The following FAM199X variants were observed in gnomAD, a reference collection of about 807,000 sequenced individuals.
FAM199X encodes the protein family with sequence similarity 199, X-linked.
A neutral mutation model predicts 22.9 loss-of-function variants in FAM199X; 4 were observed. That is an observed-to-expected ratio of 0.17 (90% CI 0.09 to 0.40). The LOEUF (loss-of-function observed/expected upper bound fraction) is 0.40, where lower values mean the gene tolerates loss of function less well. Ranked by LOEUF, FAM199X falls within the 10% of genes least tolerant of loss-of-function variation. The pLI, the probability that FAM199X is intolerant of heterozygous loss-of-function variation, is 1.00. For missense variants in FAM199X, 183 were observed against 306.8 expected (o/e 0.60, Z 3.01); for synonymous variants, 101 against 112.3 (o/e 0.90, Z 0.64).
chrX:104,191,479 C>T lies in FAM199X; in HGVS notation c.*1701C>T, dbSNP rs1392230022. The stretch of plus-strand genomic sequence containing the variant: ...AGTCTTTCTTACTTTCCCCCTTCCC[C>T]TCTTTGGTTCTCCTAACCAGCTTAG... On this transcript the variant is annotated 3_prime_UTR_variant, in exon 6 of 6. Transcript: ENST00000493442. 8.9e-6 allele frequency: 1 copy of T among 111,830 alleles called. No homozygotes were observed. The highest frequency in any genetic ancestry group is 3.2e-5 in the African/African-American group (1 of 30,807). The allele number at this position is 111,830 out of a possible 1,213,427, so 9.2% of individuals were successfully genotyped here. A position where few individuals can be genotyped will look rare whatever the true frequency, so the allele number is the denominator to read the frequency against.
In FAM199X at chrX:104,191,203, A is replaced by G. The variant is rs1921933110; in HGVS notation, c.*1425A>G. On this transcript the variant is annotated 3_prime_UTR_variant, in exon 6 of 6. Transcript: ENST00000493442. ...TACTTTTTGTTACGTCAAGTAGCTT[A>G]TTAAGAAAAAGATTCATGACTTAAA... 1 of 111,299 alleles carries G rather than the reference A, an allele frequency of 9.0e-6. No individual in the cohort carries two copies. The highest frequency in any genetic ancestry group is 3.3e-5 in the African/African-American group (1 of 30,668). 9.2% of individuals were successfully genotyped at this position (111,299 alleles called of 1,213,427 possible).
chrX:104,162,842 A>G (rs1473225097), upstream of FAM199X, among the ~76,000 whole-genome samples: 3 of 111,448 alleles, frequency 2.7e-5, no homozygotes, highest in African/African-American at 9.8e-5. Flanking sequence ...CCTCACCTCA[A>G]AATCCTCATC....
intron 2 of FAM199X, among the ~76,000 whole-genome samples, chrX:104,182,052 G>A (rs1470529786): frequency 2.0e-5 from 2 of 101,943 alleles, no homozygotes; most frequent in African/African-American, 3.7e-5. Flanking sequence ...GCAGTGGTGC[G>A]ATCTTGGCTC....
the FAM199X span, among the ~76,000 whole-genome samples, chrX:104,159,604 T>C: frequency 8.9e-6 from 1 of 112,648 alleles, no homozygotes; most frequent in Admixed American, 9.4e-5. Context: ...TCTTCAGAGC[T>C]GTTCTGGGGT....
At chrX:104,185,501 A>C (rs1227404661) in intron 2 of FAM199X, among the ~76,000 whole-genome samples, 2 of 112,395 alleles carry the variant, frequency 1.8e-5, no homozygotes, top group African/African-American at 6.5e-5. Flanking sequence ...CTTTCATTGA[A>C]TAACTATATG....
intron 4 of FAM199X, among the ~76,000 whole-genome samples, 195 bp from the exon 5 acceptor site, chrX:104,187,845 C>T (rs1400144331): frequency 7.1e-5 from 8 of 112,183 alleles, no homozygotes; most frequent in Non-Finnish European, 1.3e-4. Context: ...AGCTCTATAA[C>T]GTGTTTTCTA....
At chrX:104,186,314 T>C (rs1026289415) in intron 3 of FAM199X, 99 bp downstream of exon 3, 16 of 1,090,763 alleles carry the variant, frequency 1.5e-5, no homozygotes, top group Middle Eastern at 2.7e-4. Flanking sequence ...TGTGGATTGC[T>C]TAGTAAATCT....
intron 4 of FAM199X, among the ~76,000 whole-genome samples, chrX:104,187,071 G>A (rs960810456): frequency 9.1e-6 from 1 of 109,604 alleles, no homozygotes; most frequent in South Asian, 3.9e-4. Context: ...TCTGAAATAC[G>A]CATCTCTGGT....
Position 104,192,629 on chromosome X carries a change from T to A in FAM199X, c.*2851T>A, listed in dbSNP as rs1428024777. On this transcript the variant is annotated 3_prime_UTR_variant, in exon 6 of 6. Coordinates refer to ENST00000493442, the MANE Select transcript of FAM199X (RefSeq NM_207318.4). ...TTGCAACTGAATTAAAGGAAGGTGA[T>A]GTATTATAATGTGTAGTGAGGTATA... 8.9e-6 allele frequency: 1 copy of A among 111,899 alleles called. No individual in the cohort carries two copies. Among genetic ancestry groups the A allele is most frequent in the Non-Finnish European group, 1.9e-5 (1 of 52,990 alleles). 9.2% of individuals were successfully genotyped at this position (111,899 alleles called of 1,213,427 possible). A position where few individuals can be genotyped will look rare whatever the true frequency, so the allele number is the denominator to read the frequency against.
the FAM199X span, among the ~76,000 whole-genome samples, chrX:104,161,057 A>G: frequency 4.5e-5 from 5 of 111,495 alleles, no homozygotes; most frequent in Non-Finnish European, 9.4e-5. Flanking sequence ...ATTTACATGT[A>G]TTATATATCA....
intron 2 of FAM199X, among the ~76,000 whole-genome samples, chrX:104,183,680 G>A (rs1556378407): frequency 9.0e-6 from 1 of 111,321 alleles, no homozygotes; most frequent in African/African-American, 3.3e-5. Flanking sequence ...GGCCAGGCTG[G>A]TCTCGAACTC....
rs1194239749 is a variant in FAM199X, at chrX:104,186,684, C to T, written c.729+63C>T. 1.4e-5 allele frequency: 14 copies of T among 1,001,596 alleles called. No homozygotes were observed. The Admixed American group carries it at 1.4e-4, about 10-fold the overall frequency. 82.5% of individuals were successfully genotyped at this position (1,001,596 alleles called of 1,213,427 possible). A position where few individuals can be genotyped will look rare whatever the true frequency, so the allele number is the denominator to read the frequency against. On this transcript the variant is annotated intron_variant, in intron 4 of 5. Transcript: ENST00000493442. ...ATACCACCATCTTATAAAATGTAGA[C>T]TAAAATAATCATGTGTAAATACATA...
At chrX:104,157,914 T>G in the FAM199X span, among the ~76,000 whole-genome samples, 1 of 112,492 alleles carries the variant, frequency 8.9e-6, no homozygotes, top group Non-Finnish European at 1.9e-5. Context: ...ATAAGTGCTT[T>G]AAACCCATTT....
At chrX:104,187,148 A>T (rs1921827516) in intron 4 of FAM199X, among the ~76,000 whole-genome samples, 1 of 105,251 alleles carries the variant, frequency 9.5e-6, no homozygotes, top group Non-Finnish European at 1.9e-5. Flanking sequence ...CAGTGACGCG[A>T]TCTCGGCTCA....
rs1422770424 is a variant in FAM199X at position 104,190,154 on chromosome X, T to TA, written c.*377dup. 1.4e-5 allele frequency: 2 copies of TA among 140,226 alleles called. No homozygotes were observed. The highest frequency in any genetic ancestry group is 2.1e-4 in the East Asian group (1 of 4,865). 11.6% of individuals were successfully genotyped at this position (140,226 alleles called of 1,213,427 possible). A position where few individuals can be genotyped will look rare whatever the true frequency, so the allele number is the denominator to read the frequency against. Reference sequence around the variant, plus strand: ...GTGGGCGTCTTCAAAGACTAGTACTTACACAGTTTAGAAGATTTCAAGGTA... The same window carrying TA: ...GTGGGCGTCTTCAAAGACTAGTACTTAACACAGTTTAGAAGATTTCAAGGTA... On this transcript the variant is annotated 3_prime_UTR_variant, in exon 6 of 6. Transcript: ENST00000493442.
At chrX:104,166,069 A>C (rs1428561384), upstream of FAM199X, among the ~76,000 whole-genome samples, 2 of 112,300 alleles carry the variant, frequency 1.8e-5, no homozygotes, top group Non-Finnish European at 3.8e-5. Flanking sequence ...TTTCTCCTAC[A>C]CCTCATTGCA....
At position 104,184,283 on chromosome X, in the gene FAM199X, C is replaced by T. The variant is rs972803681; in HGVS notation, c.418-1783C>T. On this transcript the variant is annotated intron_variant, in intron 2 of 5. Transcript: ENST00000493442. ...AGTCTTCATGACTAAAGTAGCTCTT[C>T]GCTTTTTTGGTAACCGCAGAAGCCT... 4.5e-5 allele frequency among the ~76,000 whole-genome samples: 5 copies of T among 112,209 alleles called. No homozygotes were observed. The East Asian group carries it at 1.1e-3, about 25-fold the overall frequency.
upstream of FAM199X, among the ~76,000 whole-genome samples, chrX:104,165,642 T>A (rs1233147331): frequency 1.1e-4 from 12 of 111,974 alleles, no homozygotes; most frequent in East Asian, 2.2e-3. Flanking sequence ...TCCTCTATTT[T>A]TTTTTAATCT....
Position 104,166,907 on chromosome X carries a change from T to C in FAM199X, c.122T>C (p.Leu41Pro). 1 of 1,201,973 alleles carries C rather than the reference T, an allele frequency of 8.3e-7. No homozygotes were observed. The highest frequency in any genetic ancestry group is 1.8e-5 in the South Asian group (1 of 56,139). The stretch of plus-strand genomic sequence containing the variant: ...TGCCCGAGCGAGGAGCCGGGCTGCC[T>C]GGACATCAGCGACTTCGGCTGCCAG... ...GTCPSEEPGC[L>P]DISDFGCQLS... The change falls in exon 1 of 6, where the codon CTG (leucine) becomes CCG (proline). Residue 41 changes from leucine (L) to proline (P), a missense_variant. Transcript: ENST00000493442.
Sources: gnomAD v4.1 joint callset for allele counts (sites outside exome capture counted in the v4.1 genomes callset) on GRCh38, gnomAD v4.1.1 for gene constraint, MANE v1.5 for transcripts, NCBI Gene and HGNC (gene_info 2026-07-23, HGNC 2026-07-21) for gene names.